CENPK: variants seen among roughly 807,000 people sequenced by gnomAD.
CENPK encodes the protein centromere protein K.
CENPK carries 46 observed loss-of-function variants against 40.9 expected under a neutral mutation model. That is an observed-to-expected ratio of 1.13 (90% CI 0.89 to 1.44). The LOEUF (loss-of-function observed/expected upper bound fraction) is 1.44. Ranked by LOEUF, CENPK falls within the 40% of genes most tolerant of loss-of-function variation. CENPK has a pLI of 0.00. For synonymous variants in CENPK, 107 were observed against 104.4 expected, an observed-to-expected ratio of 1.02 and a Z score of -0.15; for missense variants, 288 against 303.5, an observed-to-expected ratio of 0.95 and a Z score of 0.38.
chr5:65,528,840 T>G (rs1427540429), intron 8 of CENPK, 79 bp downstream of exon 8: 4 of 984,148 alleles, frequency 4.1e-6, no homozygotes, highest in Non-Finnish European at 6.0e-6. Context: ...TGGTAACATT[T>G]AACTTCATCT....
intron 6 of CENPK, among the ~76,000 whole-genome samples, chr5:65,540,345 T>A (rs1052266949): frequency 4.6e-5 from 7 of 152,222 alleles, no homozygotes; most frequent in Non-Finnish European, 5.9e-5. Flanking sequence ...AATTCAGCTC[T>A]CTGCCTCTTT....
chr5:65,520,366 C>G (rs1334220486), intron 10 of CENPK, among the ~76,000 whole-genome samples: 2 of 152,114 alleles, frequency 1.3e-5, no homozygotes, highest in Non-Finnish European at 2.9e-5. Context: ...AATTAAACTC[C>G]TTTTCCTTAT....
intron 6 of CENPK, among the ~76,000 whole-genome samples, chr5:65,533,427 T>C (rs575389816): frequency 2.0e-5 from 3 of 151,944 alleles, no homozygotes; most frequent in African/African-American, 7.2e-5. Flanking sequence ...ATTTCCGCAA[T>C]CTGCTTAAAA....
the CENPK span, among the ~76,000 whole-genome samples, chr5:65,504,480 C>T: frequency 7.0e-6 from 1 of 143,552 alleles, no homozygotes; most frequent in Non-Finnish European, 1.5e-5. Context: ...AAAAAAAACC[C>T]ACGAGTATTT....
intron 2 of CENPK, chr5:65,555,288 G>A: frequency 6.1e-6 from 1 of 163,224 alleles, no homozygotes; most frequent in Non-Finnish European, 1.3e-5. Flanking sequence ...AAAGAAATGA[G>A]GTCAAGGATG....
chr5:65,501,297 G>C, the CENPK span, among the ~76,000 whole-genome samples: 1 of 142,838 alleles, frequency 7.0e-6, no homozygotes, highest in Admixed American at 7.6e-5. Flanking sequence ...TCCTACCTCT[G>C]CCTCCCTAGT....
intron 9 of CENPK, 27 bp downstream of exon 9, chr5:65,528,425 T>TAC: frequency 6.4e-7 from 1 of 1,564,110 alleles, no homozygotes; most frequent in Non-Finnish European, 8.6e-7. Flanking sequence ...TATGATAATT[T>TAC]ACATAAATGT....
chr5:65,515,204 A>ATTTTTTTTTTTTTT (rs1554102335), downstream of CENPK, among the ~76,000 whole-genome samples: 19 of 124,062 alleles, frequency 1.5e-4, 2 homozygotes, highest in South Asian at 5.2e-4. Flanking sequence ...TCTCAAAAAA[A>ATTTTTTTTTTTTTT]TTTTTTTTTT....
At chr5:65,507,153 G>T in the CENPK span, among the ~76,000 whole-genome samples, 5 of 152,162 alleles carry the variant, frequency 3.3e-5, no homozygotes, top group East Asian at 9.6e-4. Flanking sequence ...TCTCCTTATG[G>T]TTACAAAATG....
chr5:65,539,211 A>G (rs1210742077), intron 6 of CENPK, among the ~76,000 whole-genome samples: 1 of 152,224 alleles, frequency 6.6e-6, no homozygotes, highest in Non-Finnish European at 1.5e-5. Flanking sequence ...CCTCACATGC[A>G]AAAATACATT....
At chr5:65,529,492 TTTC>T (rs896801934) in intron 6 of CENPK, 11 of 162,328 alleles carry the variant, frequency 6.8e-5, no homozygotes, top group East Asian at 2.0e-4. Context: ...CTTTTCTTTC[TTTC>T]TTTTTTTTTT....
chr5:65,534,092 T>G (rs1746442534), intron 6 of CENPK, among the ~76,000 whole-genome samples: 1 of 148,794 alleles, frequency 6.7e-6, no homozygotes, highest in Non-Finnish European at 1.5e-5. Flanking sequence ...AAATTGAAAT[T>G]TAAAAGAATA....
intron 6 of CENPK, among the ~76,000 whole-genome samples, chr5:65,536,282 T>C (rs1746881245): frequency 6.6e-6 from 1 of 152,070 alleles, no homozygotes; most frequent in Non-Finnish European, 1.5e-5. Flanking sequence ...TCTAAACTCA[T>C]TGTGTTGGAA....
intron 5 of CENPK, among the ~76,000 whole-genome samples, chr5:65,549,423 A>C (rs900052110): frequency 2.0e-5 from 3 of 152,208 alleles, no homozygotes; most frequent in Non-Finnish European, 4.4e-5. Context: ...AGTCCTTATC[A>C]AGAGAGTCAA....
chr5:65,548,841 T>C (rs1470834632), intron 5 of CENPK, among the ~76,000 whole-genome samples: 1 of 152,148 alleles, frequency 6.6e-6, no homozygotes, highest in Non-Finnish European at 1.5e-5. Flanking sequence ...TCTACCACAT[T>C]TGTAGTTACT....
chr5:65,533,350 A>AAAATAAATAAAAAAT (rs1746240805), intron 6 of CENPK, among the ~76,000 whole-genome samples: 1 of 148,116 alleles, frequency 6.8e-6, no homozygotes, highest in East Asian at 2.0e-4. Context: ...ACCCTGTATC[A>AAAATAAATAAAAAAT]AAATAAATAA....
chr5:65,536,365 G>T (rs1212309801), intron 6 of CENPK, among the ~76,000 whole-genome samples: 3 of 152,134 alleles, frequency 2.0e-5, no homozygotes, highest in Non-Finnish European at 2.9e-5. Context: ...TGTAATCTCA[G>T]CACTTTGGGA....
the CENPK span, among the ~76,000 whole-genome samples, chr5:65,506,476 C>T: frequency 1.3e-5 from 2 of 151,764 alleles, no homozygotes; most frequent in Non-Finnish European, 2.9e-5. Flanking sequence ...TGGTGAAACC[C>T]GGTCTCTACT....
At chr5:65,496,226 C>G in the CENPK span, among the ~76,000 whole-genome samples, 1 of 151,780 alleles carries the variant, frequency 6.6e-6, no homozygotes, top group Non-Finnish European at 1.5e-5. Flanking sequence ...CCACTGCATT[C>G]CAGCCTGGGC....
Sources: gnomAD v4.1 joint callset for allele counts (sites outside exome capture counted in the v4.1 genomes callset) on GRCh38, gnomAD v4.1.1 for gene constraint, MANE v1.5 for transcripts, NCBI Gene and HGNC (gene_info 2026-07-23, HGNC 2026-07-21) for gene names.